Variants in RARB observed in about 807,000 individuals in gnomAD.
The protein encoded by RARB is HBV-activated protein.
Under a neutral mutation model 51.9 loss-of-function variants are expected in RARB, and 17 were observed. The ratio of observed to expected loss-of-function variants is 0.33; its 90% CI spans 0.22 to 0.49. RARB has a LOEUF of 0.49. Ranked by LOEUF, RARB falls within the 20% of genes least tolerant of loss-of-function variation. The probability of loss-of-function intolerance (pLI) is 0.99; values close to 1 mark genes in which losing one functional copy is unlikely to be tolerated. For synonymous variants in RARB, 215 were observed against 195.4 expected (o/e 1.10, Z -0.84); for missense variants, 369 against 550.8 (o/e 0.67, Z 3.30).
chr3:25,051,040 G>T (rs1213433521), intron 2 of RARB, among the ~76,000 whole-genome samples: 1 of 152,046 alleles, frequency 6.6e-6, no homozygotes, highest in Admixed American at 6.6e-5. Flanking sequence ...TGGATTTATG[G>T]CTTCTGGGAG....
chr3:25,483,298 AT>A (rs1332264357), intron 2 of RARB, among the ~76,000 whole-genome samples: 2 of 152,246 alleles, frequency 1.3e-5, no homozygotes, highest in Non-Finnish European at 2.9e-5. Flanking sequence ...AGTTGAAAAA[AT>A]ATGTGTACAT....
At chr3:25,132,444 A>G (rs948236337) in intron 4 of RARB, among the ~76,000 whole-genome samples, 1 of 151,798 alleles carries the variant, frequency 6.6e-6, no homozygotes, top group East Asian at 1.9e-4. Flanking sequence ...TGGCTTGCCC[A>G]TATTAACACA....
chr3:25,017,623 A>G (rs1029423200), intron 2 of RARB, among the ~76,000 whole-genome samples: 3 of 152,214 alleles, frequency 2.0e-5, no homozygotes, highest in Non-Finnish European at 4.4e-5. Flanking sequence ...ATAAGGTGGA[A>G]ACAGGAAGAC....
rs570261182 is a variant in RARB, at chr3:25,126,846, A to G, written c.-327-5315A>G. Among the ~76,000 whole-genome samples the G allele has an allele frequency of 9.2e-5, 14 of 152,290 alleles. No individual in the cohort carries two copies. In the East Asian group the frequency reaches 2.3e-3, roughly 25 times the overall value. ...AATTACTCAGCATGTGTTTTCTTTT[A>G]TCTGAGAATTAGTCCCAAGGGCAAC... is the stretch of plus-strand genomic sequence containing the variant. On this transcript the variant is annotated intron_variant, in intron 3 of 11. Transcript: ENST00000383772.
intron 2 of RARB, among the ~76,000 whole-genome samples, chr3:24,944,523 T>A (rs1018131767): frequency 3.3e-5 from 5 of 152,190 alleles, no homozygotes; most frequent in Admixed American, 1.3e-4. Flanking sequence ...ATAATTTGTC[T>A]AAAATTACAC....
At chr3:25,396,579 G>A (rs1159062786) in intron 5 of RARB, among the ~76,000 whole-genome samples, 4 of 152,110 alleles carry the variant, frequency 2.6e-5, no homozygotes, top group Non-Finnish European at 5.9e-5. Flanking sequence ...CAAGTTAGTA[G>A]GTAGGGCCAC....
chr3:24,931,061 T>C (rs1347734079), intron 2 of RARB, among the ~76,000 whole-genome samples: 1 of 151,994 alleles, frequency 6.6e-6, no homozygotes, highest in Non-Finnish European at 1.5e-5. Context: ...AAGTGATTTG[T>C]TCAAGGTCAC....
intron 5 of RARB, among the ~76,000 whole-genome samples, chr3:25,313,038 T>C (rs1704328228): frequency 6.6e-6 from 1 of 152,252 alleles, no homozygotes. Flanking sequence ...GCCATTTGAA[T>C]GTGGGCAGAT....
intron 3 of RARB, among the ~76,000 whole-genome samples, chr3:25,527,296 G>A (rs1269540402): frequency 6.6e-6 from 1 of 152,214 alleles, no homozygotes; most frequent in African/African-American, 2.4e-5. Context: ...CTCCAGAAAT[G>A]CCCTGTGAGC....
At chr3:25,358,196 AT>A (rs1244258305) in intron 5 of RARB, among the ~76,000 whole-genome samples, 1 of 152,120 alleles carries the variant, frequency 6.6e-6, no homozygotes, top group Non-Finnish European at 1.5e-5. Flanking sequence ...GGTCCTTCAC[AT>A]CCCATGTAAG....
At chr3:25,366,801 A>G (rs1706133639) in intron 5 of RARB, among the ~76,000 whole-genome samples, 1 of 152,144 alleles carries the variant, frequency 6.6e-6, no homozygotes, top group South Asian at 2.1e-4. Context: ...CAGTGAGAGC[A>G]TTTCCTAAAT....
intron 5 of RARB, among the ~76,000 whole-genome samples, chr3:25,270,788 G>A (rs1480439348): frequency 6.6e-6 from 1 of 152,194 alleles, no homozygotes; most frequent in Admixed American, 6.5e-5. Context: ...ATTAAGTGGT[G>A]TGGTGTTTAA....
At chr3:25,144,696 C>G (rs1217208993) in intron 4 of RARB, among the ~76,000 whole-genome samples, 2 of 152,196 alleles carry the variant, frequency 1.3e-5, no homozygotes, top group Non-Finnish European at 2.9e-5. Flanking sequence ...ATGAATAACA[C>G]TACTGCTAGC....
intron 5 of RARB, among the ~76,000 whole-genome samples, chr3:25,391,241 G>A (rs1410456529): frequency 6.6e-6 from 1 of 152,008 alleles, no homozygotes; most frequent in African/African-American, 2.4e-5. Flanking sequence ...CCTTTTTTAT[G>A]GCTGAGTAGT....
chr3:25,301,335 C>T (rs1477790921), intron 5 of RARB, among the ~76,000 whole-genome samples: 2 of 152,100 alleles, frequency 1.3e-5, no homozygotes, highest in African/African-American at 4.8e-5. Flanking sequence ...GAGGATCCTC[C>T]CTTGCATGTC....
intron 3 of RARB, among the ~76,000 whole-genome samples, chr3:25,526,112 G>A (rs1187500905): frequency 6.6e-6 from 1 of 152,232 alleles, no homozygotes; most frequent in East Asian, 1.9e-4. Context: ...GAAGCCTCAT[G>A]GAGGAGGTGT....
At chr3:25,080,754 G>A (rs1698978225) in intron 3 of RARB, among the ~76,000 whole-genome samples, 1 of 152,074 alleles carries the variant, frequency 6.6e-6, no homozygotes, top group African/African-American at 2.4e-5. Context: ...TTTTTCAACT[G>A]AGTTGACTTT....
At chr3:24,977,196 A>G (rs1319219828) in intron 2 of RARB, among the ~76,000 whole-genome samples, 1 of 152,108 alleles carries the variant, frequency 6.6e-6, no homozygotes, top group Admixed American at 6.5e-5. Context: ...AGGGAGCTTG[A>G]TGCCTCCAGC....
At chr3:25,031,253 C>T (rs1426117788) in intron 2 of RARB, among the ~76,000 whole-genome samples, 1 of 152,180 alleles carries the variant, frequency 6.6e-6, no homozygotes, top group Non-Finnish European at 1.5e-5. Context: ...TCCCCATACA[C>T]CCATATTGAG....
Sources: gnomAD v4.1 joint callset for allele counts (sites outside exome capture counted in the v4.1 genomes callset) on GRCh38, gnomAD v4.1.1 for gene constraint, MANE v1.5 for transcripts, NCBI Gene and HGNC (gene_info 2026-07-23, HGNC 2026-07-21) for gene names.